DSCAM: variants seen among roughly 807,000 people sequenced by gnomAD.
DSCAM encodes the protein cell adhesion molecule DSCAM.
In DSCAM, 47 loss-of-function variants were observed where a neutral mutation model predicts 217.7. The ratio of observed to expected loss-of-function variants is 0.22; its 90% CI spans 0.17 to 0.28. The LOEUF is 0.28. DSCAM is among the 10% of genes least tolerant of loss of function. DSCAM has a pLI of 1.00. For synonymous variants in DSCAM, 1,056 were observed against 1,015.3 expected (o/e 1.04, Z -0.76); for missense variants, 2,080 against 2,618.3 (o/e 0.79, Z 4.49).
In DSCAM at chr21:40,271,178, G is replaced by T. The variant is rs574071074; in HGVS notation, c.2356+4919C>A. 5.5e-4 allele frequency among the ~76,000 whole-genome samples: 84 copies of T among 152,292 alleles called. 1 individual carries two copies. In the South Asian group the frequency reaches 0.013, roughly 24 times the overall value. ...AATCTGATGGGCACAGCGACCCACA[G>T]ACCTTCCTGGATTCAGCATGGAGGA... On this transcript the variant is annotated intron_variant, in intron 11 of 32. Coordinates refer to ENST00000400454, the MANE Select transcript of DSCAM (RefSeq NM_001389.5).
intron 3 of DSCAM, among the ~76,000 whole-genome samples, chr21:40,470,148 C>A (rs1302328153): frequency 6.6e-6 from 1 of 152,122 alleles, no homozygotes; most frequent in African/African-American, 2.4e-5. Context: ...ATAAAATAAT[C>A]AAATTGGTAT....
intron 27 of DSCAM, among the ~76,000 whole-genome samples, chr21:40,069,552 C>T (rs1429947055): frequency 6.6e-6 from 1 of 152,242 alleles, no homozygotes; most frequent in Non-Finnish European, 1.5e-5. Flanking sequence ...TTTATAGCCA[C>T]ATGGCTACAT....
chr21:40,305,389 C>CAAAAAA lies in DSCAM; in HGVS notation c.2062+6686_2062+6691dup, dbSNP rs58738453. 6.2e-3 allele frequency among the ~76,000 whole-genome samples: 427 copies of CAAAAAA among 68,512 alleles called. 7 individuals carry two copies. Among genetic ancestry groups the CAAAAAA allele is most frequent in the African/African-American group, 0.017 (412 of 24,014 alleles). 44.9% of individuals were successfully genotyped at this position (68,512 alleles called of 152,430 possible). On this transcript the variant is annotated intron_variant, in intron 9 of 32. Transcript: ENST00000400454. ...TGGGTGACAGAGCAAGATCCCGTCT[C>CAAAAAA]AAAAAAAAAAAAAAAAAAAGGAAGA...
intron 1 of DSCAM, among the ~76,000 whole-genome samples, chr21:40,837,775 T>C (rs1455086626): frequency 6.6e-6 from 1 of 152,232 alleles, no homozygotes; most frequent in Non-Finnish European, 1.5e-5. Flanking sequence ...AAAGTAGTCA[T>C]GGTTCCCGTT....
At chr21:40,799,858 C>A (rs1030525892) in intron 1 of DSCAM, among the ~76,000 whole-genome samples, 1 of 152,140 alleles carries the variant, frequency 6.6e-6, no homozygotes, top group Non-Finnish European at 1.5e-5. Flanking sequence ...ATTCCTTTAG[C>A]CATATAAGGT....
At chr21:40,285,055 T>C (rs2073808216) in intron 10 of DSCAM, among the ~76,000 whole-genome samples, 1 of 150,140 alleles carries the variant, frequency 6.7e-6, no homozygotes, top group Admixed American at 7.0e-5. Flanking sequence ...ATAAGAATCC[T>C]TTTTTTTTAA....
chr21:40,589,155 C>G (rs1281094128), intron 3 of DSCAM, among the ~76,000 whole-genome samples: 1 of 152,068 alleles, frequency 6.6e-6, no homozygotes, highest in Admixed American at 6.6e-5. Context: ...GGGGAATAAT[C>G]AGTGAAGAAA....
intron 1 of DSCAM, among the ~76,000 whole-genome samples, chr21:40,813,343 A>G (rs2123553724): frequency 6.6e-6 from 1 of 152,256 alleles, no homozygotes; most frequent in South Asian, 2.1e-4. Flanking sequence ...AGACAGGGGT[A>G]TTATTTGGGT....
intron 32 of DSCAM, among the ~76,000 whole-genome samples, chr21:40,015,431 T>TC (rs2088140405): frequency 6.9e-6 from 1 of 144,436 alleles, no homozygotes; most frequent in South Asian, 2.2e-4. Context: ...TTTTTTTTTT[T>TC]CTTTTTTAAA....
intron 11 of DSCAM, among the ~76,000 whole-genome samples, chr21:40,252,043 A>G (rs2073311850): frequency 6.6e-6 from 1 of 152,162 alleles, no homozygotes; most frequent in Non-Finnish European, 1.5e-5. Context: ...GAGCCTTCAG[A>G]TGAGACCTAA....
At chr21:40,294,042 T>A (rs898080450) in intron 10 of DSCAM, among the ~76,000 whole-genome samples, 2 of 152,220 alleles carry the variant, frequency 1.3e-5, no homozygotes, top group Non-Finnish European at 2.9e-5. Flanking sequence ...CTTTGAGTGA[T>A]GTTATTGGGG....
intron 3 of DSCAM, among the ~76,000 whole-genome samples, chr21:40,438,933 C>T (rs1291596733): frequency 6.6e-6 from 1 of 151,984 alleles, no homozygotes; most frequent in East Asian, 1.9e-4. Context: ...GGAAGGTAGC[C>T]ATAGAGTGGC....
intron 10 of DSCAM, among the ~76,000 whole-genome samples, chr21:40,283,852 C>T (rs1298460211): frequency 1.3e-5 from 2 of 152,172 alleles, no homozygotes; most frequent in South Asian, 4.1e-4. Flanking sequence ...TGAGCTCATC[C>T]AGAGGGGTCC....
intron 6 of DSCAM, among the ~76,000 whole-genome samples, chr21:40,345,404 T>A (rs949901860): frequency 3.3e-5 from 5 of 152,218 alleles, no homozygotes; most frequent in Non-Finnish European, 4.4e-5. Flanking sequence ...GTCTCTCAAA[T>A]GTCTATATAT....
chr21:40,352,541 A>G (rs1219881565), intron 5 of DSCAM, among the ~76,000 whole-genome samples: 1 of 152,126 alleles, frequency 6.6e-6, no homozygotes, highest in African/African-American at 2.4e-5. Flanking sequence ...TCAGGTTGAC[A>G]CTGAAGAGAA....
intron 1 of DSCAM, among the ~76,000 whole-genome samples, chr21:40,742,700 A>C (rs2146545378): frequency 6.6e-6 from 1 of 152,340 alleles, no homozygotes; most frequent in African/African-American, 2.4e-5. Context: ...ATCTCCCTTT[A>C]GTGGGCCAGG....
At chr21:40,415,737 C>G (rs1021183904) in intron 3 of DSCAM, among the ~76,000 whole-genome samples, 2 of 152,128 alleles carry the variant, frequency 1.3e-5, no homozygotes, top group African/African-American at 4.8e-5. Context: ...CACAGGCTCC[C>G]CAGGGGGCCG....
chr21:40,414,263 A>T (rs964070985), intron 3 of DSCAM, among the ~76,000 whole-genome samples: 4 of 152,246 alleles, frequency 2.6e-5, no homozygotes, highest in Non-Finnish European at 5.9e-5. Context: ...CACATATAAG[A>T]GTTCTTAGAA....
At chr21:40,658,710 G>T (rs769132338) in intron 3 of DSCAM, among the ~76,000 whole-genome samples, 35 of 152,214 alleles carry the variant, frequency 2.3e-4, no homozygotes, top group Non-Finnish European at 2.9e-4. Context: ...GAAAATTGAT[G>T]GGGGGAGTGG....
Sources: gnomAD v4.1 joint callset for allele counts (sites outside exome capture counted in the v4.1 genomes callset) on GRCh38, gnomAD v4.1.1 for gene constraint, MANE v1.5 for transcripts, NCBI Gene and HGNC (gene_info 2026-07-23, HGNC 2026-07-21) for gene names.